The following NCLN variants were observed in gnomAD, a reference collection of about 807,000 sequenced individuals.
NCLN encodes the protein BOS complex subunit NCLN.
In NCLN, 34 loss-of-function variants were observed where a neutral mutation model predicts 69.5. The ratio of observed to expected loss-of-function variants is 0.49; its 90% CI spans 0.37 to 0.65. The LOEUF is 0.65. NCLN is among the 30% of genes least tolerant of loss of function. The pLI, the probability that NCLN is intolerant of heterozygous loss-of-function variation, is 0.00. For missense variants in NCLN, 710 were observed against 804.8 expected (o/e 0.88, Z 1.42); for synonymous variants, 393 against 358.3 (o/e 1.10, Z -1.09).
rs1916219894 is a variant in NCLN at position 3,204,715 on chromosome 19, A to G, written c.1172A>G (p.His391Arg). ...TTCACGCTGTCCCACCTGGAGAGCC[A>G]CCGTGACGGCCAGCGCAGCAGCATC... ...PAFTLSHLES[H>R]RDGQRSSIMD... is the part of the protein sequence containing the mutation. The change falls in exon 9 of 15, where the codon CAC becomes CGC. Residue 391 changes from histidine (H) to arginine (R), a missense_variant. By Grantham distance (29) the His-to-Arg change is conservative. Transcript: ENST00000246117. The G allele has an allele frequency of 6.3e-7, 1 of 1,585,024 alleles. No individual in the cohort carries two copies. The highest frequency in any genetic ancestry group is 8.6e-7 in the Non-Finnish European group (1 of 1,164,800).
At chr19:3,198,506 CAAA>C (rs770959188) in intron 4 of NCLN, among the ~76,000 whole-genome samples, 2 of 76,754 alleles carry the variant, frequency 2.6e-5, no homozygotes, top group South Asian at 4.0e-4. Flanking sequence ...GATTCCGTCT[CAAA>C]AAAAAAAAAA....
intron 6 of NCLN, among the ~76,000 whole-genome samples, chr19:3,203,442 C>T (rs899096697): frequency 6.6e-6 from 1 of 152,136 alleles, no homozygotes; most frequent in African/African-American, 2.4e-5. Flanking sequence ...TGGGGTCTAA[C>T]GTGGGGTGGC....
chr19:3,200,082 C>A, intron 5 of NCLN, among the ~76,000 whole-genome samples: 1 of 152,102 alleles, frequency 6.6e-6, no homozygotes, highest in East Asian at 1.9e-4. Context: ...GAGTGCCCGA[C>A]CCCTTGGAGG....
intron 1 of NCLN, among the ~76,000 whole-genome samples, chr19:3,191,192 G>A (rs955638514): frequency 9.2e-5 from 14 of 152,068 alleles, no homozygotes; most frequent in African/African-American, 3.1e-4. Flanking sequence ...TCAGGTGTGC[G>A]GAGCAGGGAC....
chr19:3,194,029 G>C (rs1323667626), intron 3 of NCLN, among the ~76,000 whole-genome samples: 1 of 152,336 alleles, frequency 6.6e-6, no homozygotes, highest in Middle Eastern at 3.4e-3. Context: ...TACTGGGGGA[G>C]CAGGGCTGAG....
At position 3,198,162 on chromosome 19, in the gene NCLN, G is replaced by A. The variant is rs573438614; in HGVS notation, c.616-655G>A. 3.5e-4 allele frequency among the ~76,000 whole-genome samples: 53 copies of A among 152,220 alleles called. 1 individual carries two copies. The highest frequency in any genetic ancestry group is 5.9e-4 in the Non-Finnish European group (40 of 68,004). On this transcript the variant is annotated intron_variant, in intron 4 of 14. Transcript: ENST00000246117. ...ATGCCTGGCTGAGGGGCTCAGCCCC[G>A]TTCCCACAAACAGTTATCCTCCTGA...
At chr19:3,198,302 C>G (rs879307114) in intron 4 of NCLN, among the ~76,000 whole-genome samples, 4 of 152,000 alleles carry the variant, frequency 2.6e-5, no homozygotes, top group Non-Finnish European at 5.9e-5. Flanking sequence ...ATCAGGAGAT[C>G]AAGACCATCC....
In NCLN at chr19:3,205,109, G is replaced by A. The variant is rs1035609956; in HGVS notation, c.1208+358G>A. Among the ~76,000 whole-genome samples the A allele has an allele frequency of 2.0e-5, 3 of 152,114 alleles. No homozygotes were observed. Among genetic ancestry groups the A allele is most frequent in the African/African-American group, 7.2e-5 (3 of 41,418 alleles). ...GCCACCGTCTTGGGGAGCCTGGCCC[G>A]CCACCACACCCCGGCCCTTCCTCGC... On this transcript the variant is annotated intron_variant, in intron 9 of 14. Coordinates refer to ENST00000246117, the MANE Select transcript of NCLN (RefSeq NM_020170.4). The surrounding 1 kb of genome is among the most constrained non-coding windows in gnomAD (Gnocchi z 4.6).
intron 5 of NCLN, among the ~76,000 whole-genome samples, chr19:3,200,508 C>T (rs1916098581): frequency 6.6e-6 from 1 of 151,634 alleles, no homozygotes; most frequent in Admixed American, 6.6e-5. Flanking sequence ...GATAGGGTTT[C>T]ACCATGTTGG....
At position 3,206,662 on chromosome 19, in the gene NCLN, C is replaced by G. The variant is rs1013759506; in HGVS notation, c.1499+237C>G. Among the ~76,000 whole-genome samples the G allele has an allele frequency of 5.9e-5, 9 of 152,158 alleles. No individual in the cohort carries two copies. In the East Asian group the frequency reaches 1.7e-3, roughly 29 times the overall value. On this transcript the variant is annotated intron_variant, in intron 12 of 14. Coordinates refer to ENST00000246117, the MANE Select transcript of NCLN (RefSeq NM_020170.4). ...ACCAGACTGGCCAACATAGTGAAAC[C>G]TCATCCCTACTAAAAATACAAAAAT...
intron 6 of NCLN, 70 bp from the exon 7 acceptor site, chr19:3,203,686 G>A: frequency 7.1e-7 from 1 of 1,398,892 alleles, no homozygotes; most frequent in Non-Finnish European, 9.9e-7. Flanking sequence ...GGGGACCTGT[G>A]ACCTGGCCTG....
chr19:3,196,669 C>T (rs311617), intron 4 of NCLN, among the ~76,000 whole-genome samples: 41,671 of 152,108 alleles, frequency 0.27, 5,790 homozygotes, highest in Admixed American at 0.34. Context: ...CCAGACGCTG[C>T]GTCCTCACAG....
chr19:3,199,520 C>A (rs900562200), intron 5 of NCLN, among the ~76,000 whole-genome samples: 3 of 152,118 alleles, frequency 2.0e-5, no homozygotes, highest in African/African-American at 7.2e-5. Context: ...ATGGTGTTTG[C>A]AGGAACAGCT....
Position 3,207,802 on chromosome 19 carries a change from C to T in NCLN, c.*114C>T, listed in dbSNP as rs1916314068. ...CCCTGCAGGGACAGGGGCCCTCTCC[C>T]TCCCCGGCGGTGGTTGGAACACTGA... On this transcript the variant is annotated 3_prime_UTR_variant, in exon 15 of 15. Transcript: ENST00000246117. The T allele has an allele frequency of 2.4e-6, 2 of 836,042 alleles. No homozygotes were observed. The highest frequency in any genetic ancestry group is 2.1e-5 in the Admixed American group (1 of 48,148). 51.8% of individuals were successfully genotyped at this position (836,042 alleles called of 1,614,324 possible).
chr19:3,186,398 C>T (rs1378868308), intron 1 of NCLN, among the ~76,000 whole-genome samples, 184 bp downstream of exon 1: 1 of 152,038 alleles, frequency 6.6e-6, no homozygotes, highest in Non-Finnish European at 1.5e-5. Context: ...CTCTCCTTGC[C>T]TAGCGCCCAG....
intron 6 of NCLN, 110 bp downstream of exon 6, chr19:3,201,736 G>T: frequency 1.1e-6 from 1 of 928,338 alleles, no homozygotes. Flanking sequence ...TGGCCCCAAA[G>T]TGGGCCTGAG....
At chr19:3,187,856 G>A (rs964381622) in intron 1 of NCLN, among the ~76,000 whole-genome samples, 6 of 152,124 alleles carry the variant, frequency 3.9e-5, no homozygotes, top group African/African-American at 1.4e-4. Flanking sequence ...CAGTGACCGC[G>A]TTTTCCGTGC....
intron 6 of NCLN, 117 bp from the exon 7 acceptor site, chr19:3,203,639 G>A (rs1445475070): frequency 2.2e-6 from 2 of 899,438 alleles, no homozygotes; most frequent in Admixed American, 2.5e-5. Context: ...GGCTGGTCAG[G>A]ATTTCCTGCT....
chr19:3,198,227 C>G (rs958960564), intron 4 of NCLN, among the ~76,000 whole-genome samples: 3 of 152,124 alleles, frequency 2.0e-5, no homozygotes, highest in Non-Finnish European at 4.4e-5. Flanking sequence ...AACCTCCTGG[C>G]CGGGCGCGGT....
Sources: gnomAD v4.1 joint callset for allele counts (sites outside exome capture counted in the v4.1 genomes callset) on GRCh38, gnomAD v4.1.1 for gene constraint, Gnocchi (gnomAD v3.1) non-coding constraint, MANE v1.5 for transcripts, NCBI Gene and HGNC (gene_info 2026-07-23, HGNC 2026-07-21) for gene names.